Variants in SMIM41 observed in about 807,000 individuals in gnomAD.
The protein encoded by SMIM41 is small integral membrane protein 41.
intron 2 of SMIM41, among the ~76,000 whole-genome samples, chr12:52,091,650 T>C (rs945499567): frequency 1.4e-4 from 21 of 152,212 alleles, no homozygotes; most frequent in Non-Finnish European, 1.8e-4. Context: ...TTGAACGTTA[T>C]TGAACAAGTG....
chr12:52,099,981 T>C (rs566707545), intron 2 of SMIM41, among the ~76,000 whole-genome samples: 1 of 152,074 alleles, frequency 6.6e-6, no homozygotes, highest in South Asian at 2.1e-4. Context: ...GTACTACCCC[T>C]GAGATATTGG....
intron 2 of SMIM41, among the ~76,000 whole-genome samples, chr12:52,087,853 C>T (rs1939915216): frequency 2.0e-5 from 3 of 152,224 alleles, no homozygotes; most frequent in Non-Finnish European, 1.5e-5. Context: ...TGGGGCATCT[C>T]CAGTCTCTCC....
At chr12:52,098,068 G>A (rs1940134530) in intron 2 of SMIM41, among the ~76,000 whole-genome samples, 1 of 151,840 alleles carries the variant, frequency 6.6e-6, no homozygotes, top group Admixed American at 6.6e-5. Context: ...CAGTGTGCGT[G>A]TACGCCTGTC....
chr12:52,086,724 A>G (rs1437923991), intron 2 of SMIM41, among the ~76,000 whole-genome samples: 1 of 152,040 alleles, frequency 6.6e-6, no homozygotes, highest in African/African-American at 2.4e-5. Context: ...TACTCTTTCA[A>G]CCTGCTCACT....
intron 2 of SMIM41, chr12:52,093,772 A>C (rs564856651): frequency 2.6e-5 from 4 of 152,262 alleles, no homozygotes; most frequent in Non-Finnish European, 4.4e-5. Context: ...CTGGACTAAC[A>C]TAATAGAAAT....
At chr12:52,080,519 A>AGTGTCTGTCTGTCT (rs1346097039) in intron 1 of SMIM41, among the ~76,000 whole-genome samples, 1 of 152,144 alleles carries the variant, frequency 6.6e-6, no homozygotes, top group African/African-American at 2.4e-5. Flanking sequence ...AGGATGACAG[A>AGTGTCTGTCTGTCT]GGAGAGAGTC....
intron 2 of SMIM41, among the ~76,000 whole-genome samples, chr12:52,100,623 T>A: frequency 1.6e-5 from 1 of 64,380 alleles, no homozygotes; most frequent in African/African-American, 7.2e-5. Context: ...CGCCCAGCTA[T>A]TTTTTTTTTT....
Position 52,108,152 on chromosome 12 carries a change from A to G in SMIM41, c.*969A>G. The G allele has an allele frequency of 4.5e-6, 1 of 221,488 alleles. No individual in the cohort carries two copies. Among genetic ancestry groups the G allele is most frequent in the South Asian group, 7.4e-5 (1 of 13,514 alleles). The allele number at this position is 221,488 out of a possible 1,614,324, so 13.7% of individuals were successfully genotyped here. A position where few individuals can be genotyped will look rare whatever the true frequency, so the allele number is the denominator to read the frequency against. On this transcript the variant is annotated 3_prime_UTR_variant, in exon 3 of 3. Coordinates refer to ENST00000546390, the MANE Select transcript of SMIM41 (RefSeq NM_001369216.1). The stretch of plus-strand genomic sequence containing the variant: ...TGTCATCTTCCCCCAGAAAGGGTGC[A>G]GTGGCTGCAGTGATGTACACGGTGG...
At chr12:52,095,248 G>GC (rs1216032759) in intron 2 of SMIM41, among the ~76,000 whole-genome samples, 2 of 151,654 alleles carry the variant, frequency 1.3e-5, no homozygotes, top group Non-Finnish European at 2.9e-5. Flanking sequence ...GGGGTCGGGC[G>GC]CCCCCCGCGA....
At position 52,093,225 on chromosome 12, in the gene SMIM41, C is replaced by G. The variant is rs150755372; in HGVS notation, c.*195+9257C>G. Reference sequence around the variant, plus strand: ...AACAACAACAACAAACAAAAAACCCCACACATTTTGGAACTACAACTTACA... The same window carrying G: ...AACAACAACAACAAACAAAAAACCCGACACATTTTGGAACTACAACTTACA... On this transcript the variant is annotated intron_variant, in intron 2 of 2. Transcript: ENST00000546390. 2.4e-3 allele frequency among the ~76,000 whole-genome samples: 364 copies of G among 152,242 alleles called. 2 individuals carry two copies. Among genetic ancestry groups the G allele is most frequent in the African/African-American group, 8.2e-3 (342 of 41,540 alleles).
intron 2 of SMIM41, chr12:52,107,178 G>A: frequency 2.8e-6 from 1 of 357,090 alleles, no homozygotes; most frequent in South Asian, 2.1e-5. Flanking sequence ...CATTTTGTCA[G>A]AACTGCAAAA....
intron 2 of SMIM41, among the ~76,000 whole-genome samples, chr12:52,088,210 T>C (rs757483833): frequency 1.3e-5 from 2 of 151,490 alleles, no homozygotes; most frequent in Admixed American, 6.6e-5. Flanking sequence ...CTGCAGAGAG[T>C]GATTGTGCTG....
In SMIM41 at chr12:52,081,891, C is replaced by T. The variant is rs1248384554; in HGVS notation, c.*120+1710C>T. Reference sequence around the variant, plus strand: ...AGGCCCCCTTCTGGCACTTGGGGGCCCCTCTCACTCTGTCCTCTTCCCTTC... The same window carrying T: ...AGGCCCCCTTCTGGCACTTGGGGGCTCCTCTCACTCTGTCCTCTTCCCTTC... On this transcript the variant is annotated intron_variant, in intron 1 of 2. Coordinates refer to ENST00000546390, the MANE Select transcript of SMIM41 (RefSeq NM_001369216.1). This position sits in a 1 kb window ranked among gnomAD's most constrained non-coding sequence, Gnocchi z 4.1. Among the ~76,000 whole-genome samples, 1 of 152,182 alleles carries T rather than the reference C, an allele frequency of 6.6e-6. No individual in the cohort carries two copies. The highest frequency in any genetic ancestry group is 1.5e-5 in the Non-Finnish European group (1 of 68,040).
Position 52,107,848 on chromosome 12 carries a change from G to T in SMIM41, c.*665G>T. 1 of 341,738 alleles carries T rather than the reference G, an allele frequency of 2.9e-6. No homozygotes were observed. Among genetic ancestry groups the T allele is most frequent in the South Asian group, 2.4e-5 (1 of 41,640 alleles). 21.2% of individuals were successfully genotyped at this position (341,738 alleles called of 1,614,324 possible). On this transcript the variant is annotated 3_prime_UTR_variant, in exon 3 of 3. Coordinates refer to ENST00000546390, the MANE Select transcript of SMIM41 (RefSeq NM_001369216.1). The stretch of plus-strand genomic sequence containing the variant: ...TGCCTTACTAATGACCTGCTTCAAG[G>T]AGGTGGACATTCCTAATTTCTTCTG...
intron 2 of SMIM41, among the ~76,000 whole-genome samples, chr12:52,095,843 C>A (rs1417078175): frequency 6.6e-6 from 1 of 151,958 alleles, no homozygotes; most frequent in Non-Finnish European, 1.5e-5. Flanking sequence ...TGGGTGTACA[C>A]CTCCTGCGAT....
At position 52,079,990 on chromosome 12, in the gene SMIM41, C is replaced by A. The variant is rs1465122470; in HGVS notation, c.211C>A (p.Arg71Ser). 5.3e-6 allele frequency: 2 copies of A among 378,394 alleles called. No homozygotes were observed. Among genetic ancestry groups the A allele is most frequent in the Non-Finnish European group, 9.4e-6 (2 of 213,038 alleles). The allele number at this position is 378,394 out of a possible 1,614,324, so 23.4% of individuals were successfully genotyped here. A position where few individuals can be genotyped will look rare whatever the true frequency, so the allele number is the denominator to read the frequency against. The change falls in exon 1 of 3, where the codon CGC becomes AGC. Residue 71 changes from arginine (R) to serine (S), a missense_variant. Coordinates refer to ENST00000546390, the MANE Select transcript of SMIM41 (RefSeq NM_001369216.1). The part of the protein sequence containing the change: ...RAQGLTALLT[R>S]EQRASREPEP... ...CCAGGGCCTGACAGCGCTGCTGACC[C>A]GCGAGCAGCGCGCGTCCCGCGAGCC... is the stretch of plus-strand genomic sequence containing the variant.
intron 2 of SMIM41, among the ~76,000 whole-genome samples, chr12:52,097,468 CT>C (rs1454034750): frequency 4.6e-5 from 7 of 152,050 alleles, no homozygotes; most frequent in Non-Finnish European, 1.0e-4. Context: ...GGTGTGGACA[CT>C]CCCCGCTGAT....
chr12:52,080,134 G>C lies in SMIM41; in HGVS notation c.*73G>C, dbSNP rs1448685774. 5 of 344,744 alleles carry C rather than the reference G, an allele frequency of 1.5e-5. No individual in the cohort carries two copies. Among genetic ancestry groups the C allele is most frequent in the Non-Finnish European group, 2.6e-5 (5 of 191,446 alleles). 21.4% of individuals were successfully genotyped at this position (344,744 alleles called of 1,614,324 possible). A position where few individuals can be genotyped will look rare whatever the true frequency, so the allele number is the denominator to read the frequency against. On this transcript the variant is annotated 3_prime_UTR_variant, in exon 1 of 3. Coordinates refer to ENST00000546390, the MANE Select transcript of SMIM41 (RefSeq NM_001369216.1). ...CCGAGCGGTCCGGAGCATGCCCGAC[G>C]GCTGCTGCGGTCCCGACCCCTTACC...
intron 2 of SMIM41, chr12:52,094,984 C>T (rs1399347600): frequency 6.9e-6 from 1 of 144,170 alleles, no homozygotes; most frequent in East Asian, 2.0e-4. Context: ...CTTACTCTGT[C>T]GCCTAGGCTG....
Sources: gnomAD v4.1 joint callset for allele counts (sites outside exome capture counted in the v4.1 genomes callset) on GRCh38, gnomAD v4.1.1 for gene constraint, Gnocchi (gnomAD v3.1) non-coding constraint, MANE v1.5 for transcripts, NCBI Gene and HGNC (gene_info 2026-07-23, HGNC 2026-07-21) for gene names.